The following PTPRK variants were observed in gnomAD, a reference collection of about 807,000 sequenced individuals.
PTPRK encodes the protein protein tyrosine phosphatase receptor type K, also known as receptor-type tyrosine-protein phosphatase kappa.
In PTPRK, 75 loss-of-function variants were observed where a neutral mutation model predicts 178.0. The ratio of observed to expected loss-of-function variants is 0.42; its 90% CI spans 0.35 to 0.51. The LOEUF (loss-of-function observed/expected upper bound fraction) is 0.51. PTPRK is among the 20% of genes least tolerant of loss of function. PTPRK has a pLI of 0.02. For missense variants in PTPRK, 1,441 were observed against 1,797.8 expected, an observed-to-expected ratio of 0.80 and a Z score of 3.59; for synonymous variants, 637 against 620.6, an observed-to-expected ratio of 1.03 and a Z score of -0.39.
chr6:128,230,705 A>G (rs1234617372), intron 5 of PTPRK: 1 of 152,208 alleles, frequency 6.6e-6, no homozygotes, highest in Non-Finnish European at 1.5e-5. Context: ...TCAATGGGAA[A>G]GTTACAAAGT....
At chr6:127,991,007 GA>G in intron 20 of PTPRK, 122 bp from the exon 21 acceptor site, 4 of 658,868 alleles carry the variant, frequency 6.1e-6, no homozygotes, top group East Asian at 2.7e-5. Context: ...CTATAAATGA[GA>G]AAAAAATCTA....
chr6:128,387,809 T>C (rs1354929476), intron 2 of PTPRK, among the ~76,000 whole-genome samples: 1 of 152,220 alleles, frequency 6.6e-6, no homozygotes, highest in Non-Finnish European at 1.5e-5. Flanking sequence ...ATGTAACATA[T>C]GCAGTAAATG....
chr6:127,982,959 C>T lies in PTPRK; in HGVS notation c.3409G>A (p.Asp1137Asn), dbSNP rs756788142. Residue 1137 changes from aspartate (D) to asparagine (N), a missense_variant, in exon 24 of 30, where the codon GAT (aspartate) becomes AAT (asparagine). Coordinates refer to ENST00000368226, the MANE Select transcript of PTPRK (RefSeq NM_002844.4). ...CATAAGCAGGCTTCTAAAATGGCAT[C>T]ATGAATAAAAATGTACTGTTCCTAC... ...QTEEQYIFIHDAILEACLCGE... is the reference protein window; with the variant it reads ...QTEEQYIFIHNAILEACLCGE... The T allele has an allele frequency of 6.2e-7, 1 of 1,612,876 alleles. No homozygotes were observed. The highest frequency in any genetic ancestry group is 8.5e-7 in the Non-Finnish European group (1 of 1,179,334).
At chr6:128,310,297 A>T (rs1369381953) in intron 3 of PTPRK, among the ~76,000 whole-genome samples, 1 of 152,120 alleles carries the variant, frequency 6.6e-6, no homozygotes, top group Non-Finnish European at 1.5e-5. Context: ...CTCTCTCTGA[A>T]CTAGAGTGAG....
chr6:128,362,408 G>C (rs925169768), intron 2 of PTPRK, among the ~76,000 whole-genome samples: 1 of 152,044 alleles, frequency 6.6e-6, no homozygotes, highest in African/African-American at 2.4e-5. Flanking sequence ...ATGAGGTTTG[G>C]CAGGGATATA....
chr6:128,330,960 G>C (rs1333713146), intron 2 of PTPRK, among the ~76,000 whole-genome samples: 2 of 152,110 alleles, frequency 1.3e-5, no homozygotes, highest in African/African-American at 4.8e-5. Context: ...TCCTCTGTTT[G>C]AAATGCTCTG....
chr6:128,255,521 G>A (rs935046581), intron 3 of PTPRK, among the ~76,000 whole-genome samples: 2 of 152,222 alleles, frequency 1.3e-5, no homozygotes, highest in African/African-American at 4.8e-5. Context: ...CCACTCAAAT[G>A]ATTTTAGATG....
chr6:128,484,396 C>T (rs1852522797), intron 1 of PTPRK, among the ~76,000 whole-genome samples: 1 of 152,096 alleles, frequency 6.6e-6, no homozygotes, highest in Non-Finnish European at 1.5e-5. Flanking sequence ...ATGCTTGCTA[C>T]AGGTTAATTT....
chr6:128,228,533 G>A (rs1285584505), intron 5 of PTPRK, among the ~76,000 whole-genome samples: 8 of 149,940 alleles, frequency 5.3e-5, no homozygotes, highest in African/African-American at 1.5e-4. Context: ...GGTGGTGGGC[G>A]CCTGTAGTTC....
chr6:128,067,204 C>T (rs1432651625), intron 12 of PTPRK, among the ~76,000 whole-genome samples: 1 of 152,150 alleles, frequency 6.6e-6, no homozygotes, highest in Non-Finnish European at 1.5e-5. Flanking sequence ...CTGATCGTTA[C>T]TGAGGGTGGA....
chr6:128,262,320 A>G (rs1205352894), intron 3 of PTPRK, among the ~76,000 whole-genome samples: 6 of 152,194 alleles, frequency 3.9e-5, no homozygotes, highest in African/African-American at 1.4e-4. Flanking sequence ...ATTATGCACT[A>G]TACTCTCTTA....
intron 3 of PTPRK, among the ~76,000 whole-genome samples, chr6:128,264,134 C>G (rs1818597004): frequency 6.6e-6 from 1 of 152,150 alleles, no homozygotes; most frequent in Admixed American, 6.5e-5. Flanking sequence ...GGGGGTCCTC[C>G]CCACATCTGA....
chr6:128,256,071 T>G (rs1817252387), intron 3 of PTPRK, among the ~76,000 whole-genome samples: 1 of 152,260 alleles, frequency 6.6e-6, no homozygotes, highest in Non-Finnish European at 1.5e-5. Flanking sequence ...TAATATTTGC[T>G]GGACTAATAT....
chr6:128,032,174 G>C (rs1203411327), intron 13 of PTPRK, among the ~76,000 whole-genome samples: 1 of 152,134 alleles, frequency 6.6e-6, no homozygotes, highest in Non-Finnish European at 1.5e-5. Context: ...GCATCCTCGG[G>C]CTGCTGCCTC....
chr6:128,156,363 G>A (rs893026404), intron 7 of PTPRK, among the ~76,000 whole-genome samples: 1 of 151,876 alleles, frequency 6.6e-6, no homozygotes, highest in African/African-American at 2.4e-5. Context: ...CAAGGAAAGA[G>A]GTTTAATGGA....
intron 16 of PTPRK, among the ~76,000 whole-genome samples, chr6:127,998,515 T>C (rs1229135629): frequency 6.6e-6 from 1 of 151,936 alleles, no homozygotes; most frequent in East Asian, 1.9e-4. Context: ...AAATTTAGAC[T>C]CATATATCTC....
chr6:128,306,643 A>G (rs575966567), intron 3 of PTPRK, among the ~76,000 whole-genome samples: 2 of 152,030 alleles, frequency 1.3e-5, no homozygotes, highest in African/African-American at 2.4e-5. Context: ...AAAAAAATTT[A>G]AAAATTAGCC....
chr6:128,513,105 G>C (rs1562675265), intron 1 of PTPRK, among the ~76,000 whole-genome samples: 1 of 151,960 alleles, frequency 6.6e-6, no homozygotes, highest in African/African-American at 2.4e-5. Context: ...AAAGTCATCT[G>C]AGCATTCTTT....
intron 3 of PTPRK, among the ~76,000 whole-genome samples, chr6:128,307,029 G>A (rs1826488053): frequency 6.6e-6 from 1 of 151,838 alleles, no homozygotes; most frequent in Non-Finnish European, 1.5e-5. Flanking sequence ...CTAGATGCCA[G>A]TTAGATGTAG....
Sources: allele counts gnomAD v4.1 joint callset (sites outside exome capture counted in the v4.1 genomes callset), GRCh38; gene constraint gnomAD v4.1.1; transcripts MANE v1.5; gene names NCBI Gene and HGNC (gene_info 2026-07-23, HGNC 2026-07-21).